TBCK: variants seen among roughly 807,000 people sequenced by gnomAD.
TBCK encodes TBC1 domain containing kinase.
Under a neutral mutation model 113.4 loss-of-function variants are expected in TBCK, and 99 were observed. That is an observed-to-expected ratio of 0.87 (90% confidence interval 0.74 to 1.03). The LOEUF is 1.03. Ranked by LOEUF, TBCK falls within the 50% of genes least tolerant of loss-of-function variation. The pLI, the probability that TBCK is intolerant of heterozygous loss-of-function variation, is 0.00. For missense variants in TBCK, 1,045 were observed against 1,061.3 expected (o/e 0.98, Z 0.21); for synonymous variants, 369 against 370.8 (o/e 1.00, Z 0.05).
intron 22 of TBCK, among the ~76,000 whole-genome samples, chr4:106,183,765 A>G (rs1752680670): frequency 6.6e-6 from 1 of 152,040 alleles, no homozygotes; most frequent in Non-Finnish European, 1.5e-5. Context: ...AGTAATTACA[A>G]TCTTGCTTTG....
chr4:106,171,401 G>T, intron 22 of TBCK, 131 bp from the exon 23 acceptor site: 1 of 609,212 alleles, frequency 1.6e-6, no homozygotes, highest in East Asian at 3.2e-5. Flanking sequence ...AAAAATGTCA[G>T]TAAAAAAAAC....
rs558161468 is a variant in TBCK, at chr4:106,295,416, G to A, written c.194-250C>T. Reference sequence around the variant, plus strand: ...TTTCTTACATACGTCAGGAAAAATAGGTGGAAAGACTGTCCTTGGGGAAAA... The same window carrying A: ...TTTCTTACATACGTCAGGAAAAATAAGTGGAAAGACTGTCCTTGGGGAAAA... On this transcript the variant is annotated intron_variant, in intron 2 of 25. Coordinates refer to ENST00000394708, the MANE Select transcript of TBCK (RefSeq NM_001163435.3). Among the ~76,000 whole-genome samples, 167 of 151,992 alleles carry A rather than the reference G, an allele frequency of 1.1e-3. No homozygotes were observed. The Middle Eastern group carries it at 0.014, about 12-fold the overall frequency.
chr4:106,247,154 T>A lies in TBCK; in HGVS notation c.916A>T (p.Ser306Cys). ...CADLTLPEDI[S>C]QLCKDINNDY... ...TTATCATTACCTTTACACAACTGAC[T>A]GATATCCTCAGGCAGAGTTAAATCA... Residue 306 changes from serine (S) to cysteine (C), a missense_variant, in exon 10 of 26, where the codon AGT becomes TGT. Physicochemically the swap from Ser to Cys is moderately radical, Grantham distance 112. Transcript: ENST00000394708. 1 of 1,612,934 alleles carries A rather than the reference T, an allele frequency of 6.2e-7. No individual in the cohort carries two copies. The highest frequency in any genetic ancestry group is 8.5e-7 in the Non-Finnish European group (1 of 1,179,544).
chr4:106,294,440 A>C (rs1315542037), intron 3 of TBCK, among the ~76,000 whole-genome samples: 1 of 151,758 alleles, frequency 6.6e-6, no homozygotes, highest in African/African-American at 2.4e-5. Flanking sequence ...AGCCTGGCCA[A>C]CATAGTGAAG....
chr4:106,260,528 A>G lies in TBCK; in HGVS notation c.382-18T>C, dbSNP rs1184612656. On this transcript the variant is annotated intron_variant, in intron 4 of 25. Coordinates refer to ENST00000394708, the MANE Select transcript of TBCK (RefSeq NM_001163435.3). ...ATATGTCCCTATGATAATAAAGAAA[A>G]AAAACACTATCAAATAATTTATTAT... 21 of 819,288 alleles carry G rather than the reference A, an allele frequency of 2.6e-5. No individual in the cohort carries two copies. Among genetic ancestry groups the G allele is most frequent in the Non-Finnish European group, 3.4e-5 (19 of 567,088 alleles). The allele number at this position is 819,288 out of a possible 1,614,324, so 50.8% of individuals were successfully genotyped here.
At chr4:106,107,988 C>T (rs1742378493) in intron 24 of TBCK, among the ~76,000 whole-genome samples, 1 of 151,852 alleles carries the variant, frequency 6.6e-6, no homozygotes, top group South Asian at 2.1e-4. Context: ...GCTCTATGTA[C>T]ACAAATAGAA....
At chr4:106,264,873 T>A (rs1287975810) in intron 3 of TBCK, among the ~76,000 whole-genome samples, 1 of 151,988 alleles carries the variant, frequency 6.6e-6, no homozygotes, top group East Asian at 1.9e-4. Context: ...TGAAAATATC[T>A]TATTCTTGCC....
intron 25 of TBCK, among the ~76,000 whole-genome samples, chr4:106,090,612 T>C (rs550516793): frequency 1.1e-3 from 174 of 152,330 alleles, no homozygotes; most frequent in African/African-American, 4.1e-3. Context: ...TTAAGTCTTT[T>C]ATTTGCTTCC....
chr4:106,232,840 C>T, intron 17 of TBCK, 98 bp downstream of exon 17: 1 of 1,216,734 alleles, frequency 8.2e-7, no homozygotes, highest in Non-Finnish European at 1.1e-6. Flanking sequence ...TGACTTTCCC[C>T]AAAGACAAGG....
intron 24 of TBCK, among the ~76,000 whole-genome samples, chr4:106,103,162 G>A (rs920289766): frequency 6.6e-6 from 1 of 152,130 alleles, no homozygotes; most frequent in Non-Finnish European, 1.5e-5. Context: ...TTTCTATCAT[G>A]TTTCCTCCCT....
rs574348907 is a variant in TBCK at position 106,235,938 on chromosome 4, A to G, written c.1350+452T>C. Among the ~76,000 whole-genome samples, 5 of 152,160 alleles carry G rather than the reference A, an allele frequency of 3.3e-5. No homozygotes were observed. In the East Asian group the frequency reaches 9.7e-4, roughly 29 times the overall value. On this transcript the variant is annotated intron_variant, in intron 14 of 25. Coordinates refer to ENST00000394708, the MANE Select transcript of TBCK (RefSeq NM_001163435.3). ...TTTCAGTACATTCACATTTATTCCA[A>G]CAGAATGAGAGTTCCAATATCATTG...
chr4:106,170,521 A>T (rs905928626), intron 23 of TBCK, among the ~76,000 whole-genome samples: 1 of 152,154 alleles, frequency 6.6e-6, no homozygotes, highest in South Asian at 2.1e-4. Flanking sequence ...AAATAAAATC[A>T]TAGAAAGTGC....
At chr4:106,254,752 C>T (rs1761804645) in intron 5 of TBCK, among the ~76,000 whole-genome samples, 1 of 151,988 alleles carries the variant, frequency 6.6e-6, no homozygotes, top group Admixed American at 6.6e-5. Context: ...CTCTTTCTCC[C>T]CAAGTAGTGC....
chr4:106,239,090 G>T (rs1207149245), intron 12 of TBCK, among the ~76,000 whole-genome samples: 2 of 152,034 alleles, frequency 1.3e-5, no homozygotes, highest in Non-Finnish European at 2.9e-5. Context: ...TGAGAGGCCT[G>T]TCTTAAAGGG....
At chr4:106,284,993 T>C (rs1037404297) in intron 3 of TBCK, among the ~76,000 whole-genome samples, 1 of 152,122 alleles carries the variant, frequency 6.6e-6, no homozygotes, top group African/African-American at 2.4e-5. Context: ...TCTTGAAACC[T>C]AATCACTATA....
At chr4:106,109,951 C>CTCGGG (rs1742642789) in intron 24 of TBCK, among the ~76,000 whole-genome samples, 3 of 152,134 alleles carry the variant, frequency 2.0e-5, no homozygotes, top group Non-Finnish European at 4.4e-5. Flanking sequence ...GCAGCCAAAC[C>CTCGGG]CTCTTATCCG....
Position 106,115,051 on chromosome 4 carries a change from G to A in TBCK, c.2411+1152C>T, listed in dbSNP as rs547628611. ...AAGAATATATCATTTGAAATTGTGA[G>A]CTCTCCAATTGTACTGTCAGAAACC... On this transcript the variant is annotated intron_variant, in intron 24 of 25. Transcript: ENST00000394708. 2.0e-5 allele frequency among the ~76,000 whole-genome samples: 3 copies of A among 152,296 alleles called. No homozygotes were observed. The South Asian group carries it at 6.2e-4, about 32-fold the overall frequency.
chr4:106,057,096 T>G (rs140348528), intron 25 of TBCK, among the ~76,000 whole-genome samples: 4 of 151,864 alleles, frequency 2.6e-5, no homozygotes, highest in Admixed American at 1.3e-4. Flanking sequence ...CCCAGTCTCA[T>G]TTTGAAAGTC....
chr4:106,205,517 G>A (rs1473354395), intron 20 of TBCK, among the ~76,000 whole-genome samples: 1 of 143,298 alleles, frequency 7.0e-6, no homozygotes, highest in Non-Finnish European at 1.5e-5. Flanking sequence ...GCCAAGGCAG[G>A]TGGATCACTT....
Sources: allele counts gnomAD v4.1 joint callset (sites outside exome capture counted in the v4.1 genomes callset), GRCh38; gene constraint gnomAD v4.1.1; transcripts MANE v1.5; gene names NCBI Gene and HGNC (gene_info 2026-07-23, HGNC 2026-07-21).